The following ZNF540 variants were observed in gnomAD, a reference collection of about 807,000 sequenced individuals.
The protein encoded by ZNF540 is CTD-3064H18.6.
Under a neutral mutation model 11.8 loss-of-function variants are expected in ZNF540, and 3 were observed. That is an observed-to-expected ratio of 0.25 (90% CI 0.12 to 0.65). The LOEUF (loss-of-function observed/expected upper bound fraction) is 0.65, where lower values mean the gene tolerates loss of function less well. ZNF540 is among the 30% of genes least tolerant of loss of function. The pLI is 0.83. For missense variants in ZNF540, 709 were observed against 793.1 expected, an observed-to-expected ratio of 0.89 and a Z score of 1.27; for synonymous variants, 247 against 259.0, an observed-to-expected ratio of 0.95 and a Z score of 0.45.
chr19:37,579,884 T>C (rs866696781), intron 1 of ZNF540, among the ~76,000 whole-genome samples: 83 of 152,294 alleles, frequency 5.4e-4, no homozygotes, highest in African/African-American at 1.6e-3. Context: ...TTTATTCTGA[T>C]ATTTTTGTCT....
At chr19:37,563,272 A>G (rs1181480533) in intron 1 of ZNF540, 1 of 152,134 alleles carries the variant, frequency 6.6e-6, no homozygotes, top group Non-Finnish European at 1.5e-5. Flanking sequence ...TCAAGGCTGC[A>G]GTGAGCTGTG....
intron 3 of ZNF540, among the ~76,000 whole-genome samples, chr19:37,600,349 G>A (rs746386803): frequency 1.1e-4 from 17 of 152,066 alleles, no homozygotes; most frequent in Non-Finnish European, 2.4e-4. Context: ...AAACCTGCAC[G>A]TATGGCCCTG....
intron 1 of ZNF540, chr19:37,583,771 A>G: frequency 2.1e-6 from 1 of 487,722 alleles, no homozygotes; most frequent in South Asian, 3.1e-5. Context: ...GCATCAAAGA[A>G]GGGAGACACT....
chr19:37,573,591 C>G (rs1056818574), intron 1 of ZNF540, among the ~76,000 whole-genome samples: 5 of 150,944 alleles, frequency 3.3e-5, no homozygotes, highest in African/African-American at 1.2e-4. Context: ...CTTTGGGAGG[C>G]TGAGTCAGGA....
At chr19:37,598,482 T>C (rs1246534641) in intron 2 of ZNF540, 26 bp downstream of exon 2, 13 of 1,613,090 alleles carry the variant, frequency 8.1e-6, no homozygotes, top group Non-Finnish European at 1.0e-5. Flanking sequence ...TCTTTCCTTT[T>C]TAGATTATTT....
chr19:37,586,620 A>C, intron 1 of ZNF540: 2 of 1,611,856 alleles, frequency 1.2e-6, no homozygotes, highest in Non-Finnish European at 1.7e-6. Flanking sequence ...TGTTCACATT[A>C]CACAACAAAA....
chr19:37,580,839 C>A (rs895923553), intron 1 of ZNF540, among the ~76,000 whole-genome samples: 1 of 152,202 alleles, frequency 6.6e-6, no homozygotes, highest in Non-Finnish European at 1.5e-5. Flanking sequence ...TCTTGTACAA[C>A]CTGCAGAACC....
In ZNF540 at chr19:37,599,715, T is replaced by A; in HGVS notation, c.99T>A (p.Asp33Glu). Residue 33 changes from aspartate to glutamate, a missense_variant, in exon 3 of 5, where the codon GAT (aspartate) becomes GAA (glutamate). By Grantham distance (45) the Asp-to-Glu change is conservative. Transcript: ENST00000316433. ...CTACCCAGAGGAAATTGTACAGAGA[T>A]GTGATGTTGGAGAATTATAATAACT... is the stretch of plus-strand genomic sequence containing the variant. ...LDTTQRKLYR[D>E]VMLENYNNLV... The A allele has an allele frequency of 6.2e-7, 1 of 1,612,028 alleles. No individual in the cohort carries two copies. The highest frequency in any genetic ancestry group is 8.5e-7 in the Non-Finnish European group (1 of 1,178,866).
At chr19:37,567,912 A>G (rs1042031972) in intron 1 of ZNF540, among the ~76,000 whole-genome samples, 1 of 152,242 alleles carries the variant, frequency 6.6e-6, no homozygotes, top group Non-Finnish European at 1.5e-5. Context: ...CACAGTATAC[A>G]TATAATGTTT....
intron 1 of ZNF540, chr19:37,560,329 TGGTA>T (rs1213460372): frequency 6.6e-6 from 1 of 151,816 alleles, no homozygotes; most frequent in East Asian, 1.9e-4. Flanking sequence ...ACTATTTCCT[TGGTA>T]TAGGATAAAC....
intron 1 of ZNF540, among the ~76,000 whole-genome samples, chr19:37,596,230 C>A (rs1177717695): frequency 1.3e-5 from 2 of 152,084 alleles, no homozygotes; most frequent in African/African-American, 4.8e-5. Flanking sequence ...TGAAGATATT[C>A]GCGTCAACAT....
intron 1 of ZNF540, among the ~76,000 whole-genome samples, chr19:37,573,311 A>G (rs2043131737): frequency 6.6e-6 from 1 of 152,198 alleles, no homozygotes; most frequent in Non-Finnish European, 1.5e-5. Flanking sequence ...GTTATACTCA[A>G]GCATTTGAGA....
chr19:37,584,937 C>A (rs939852643), intron 1 of ZNF540: 3 of 145,578 alleles, frequency 2.1e-5, no homozygotes, highest in Non-Finnish European at 3.0e-5. Context: ...GCACTCCCGC[C>A]TGGGCCACAG....
chr19:37,593,035 C>G (rs903979565), upstream of ZNF540, among the ~76,000 whole-genome samples: 1 of 151,944 alleles, frequency 6.6e-6, no homozygotes, highest in African/African-American at 2.4e-5. Context: ...TTGGGAAAAT[C>G]TGAATATGGG....
Position 37,612,233 on chromosome 19 carries a change from A to G in ZNF540, c.953A>G (p.Glu318Gly). Reference protein sequence around the residue: ...FQLIFYFKEHERIHTGKKPYE... With the variant: ...FQLIFYFKEHGRIHTGKKPYE... ...CTTATTTTCTACTTTAAAGAACATG[A>G]GAGAATTCATACAGGTAAGAAACCC... The change falls in exon 5 of 5, where the codon GAG (glutamate) becomes GGG (glycine). Residue 318 changes from glutamate (E) to glycine (G), a missense_variant. By Grantham distance (98) the Glu-to-Gly change is moderately conservative. Coordinates refer to ENST00000316433, the MANE Select transcript of ZNF540 (RefSeq NM_001172225.3). 6.2e-7 allele frequency: 1 copy of G among 1,613,756 alleles called. No homozygotes were observed. Among genetic ancestry groups the G allele is most frequent in the Non-Finnish European group, 8.5e-7 (1 of 1,179,972 alleles).
At chr19:37,555,785 C>G (rs2042652474) in intron 1 of ZNF540, 1 of 629,158 alleles carries the variant, frequency 1.6e-6, no homozygotes, top group African/African-American at 1.8e-5. Flanking sequence ...TCTTAATTCC[C>G]ATGACATGCC....
intron 1 of ZNF540, among the ~76,000 whole-genome samples, chr19:37,572,227 A>G (rs2043086028): frequency 6.6e-6 from 1 of 151,978 alleles, no homozygotes; most frequent in Non-Finnish European, 1.5e-5. Context: ...GTCAATCTAT[A>G]TAGAAGCTTA....
chr19:37,599,584 G>C lies in ZNF540; in HGVS notation c.10-42G>C, dbSNP rs375938691. On this transcript the variant is annotated intron_variant, in intron 2 of 4. Coordinates refer to ENST00000316433, the MANE Select transcript of ZNF540 (RefSeq NM_001172225.3). ...TCCTTTTCTTCTTTTTAAAATACTT[G>C]TTCTGTAATTTCACCAGTAATATGT... 1.4e-5 allele frequency: 22 copies of C among 1,612,574 alleles called. No individual in the cohort carries two copies. The South Asian group carries it at 1.8e-4, about 13-fold the overall frequency.
chr19:37,600,944 T>C, intron 3 of ZNF540, 66 bp from the exon 4 acceptor site: 1 of 1,359,584 alleles, frequency 7.4e-7, no homozygotes, highest in South Asian at 1.3e-5. Flanking sequence ...TAACCAAGTC[T>C]CAAAATGTTT....
Sources: allele counts gnomAD v4.1 joint callset (sites outside exome capture counted in the v4.1 genomes callset), GRCh38; gene constraint gnomAD v4.1.1; transcripts MANE v1.5; gene names NCBI Gene and HGNC (gene_info 2026-07-23, HGNC 2026-07-21).